Variants in PAXBP1 observed in about 807,000 individuals in gnomAD.
PAXBP1 encodes PAX3 and PAX7 binding protein 1, also known as PAX3- and PAX7-binding protein 1.
Under a neutral mutation model 119.9 loss-of-function variants are expected in PAXBP1, and 44 were observed. The ratio of observed to expected loss-of-function variants is 0.37; its 90% confidence interval spans 0.29 to 0.47. The LOEUF (loss-of-function observed/expected upper bound fraction) is 0.47. Ranked by LOEUF, PAXBP1 falls within the 20% of genes least tolerant of loss-of-function variation. The pLI is 0.99. For missense variants in PAXBP1, 898 were observed against 1,134.1 expected, an observed-to-expected ratio of 0.79 and a Z score of 2.99; for synonymous variants, 393 against 406.6, an observed-to-expected ratio of 0.97 and a Z score of 0.40.
chr21:32,741,523 C>T (rs1044159442), intron 15 of PAXBP1: 1 of 778,496 alleles, frequency 1.3e-6, no homozygotes. Context: ...GAGAAGACAA[C>T]ACAAGGCCTG....
At chr21:32,741,632 A>G (rs1165555157) in intron 15 of PAXBP1, 3 of 724,344 alleles carry the variant, frequency 4.1e-6, no homozygotes, top group Non-Finnish European at 7.5e-6. Context: ...CCTATAATCA[A>G]ACAAGGTAGG....
intron 1 of PAXBP1, among the ~76,000 whole-genome samples, chr21:32,771,034 GAA>G (rs1172614525): frequency 6.6e-6 from 1 of 152,244 alleles, no homozygotes; most frequent in Non-Finnish European, 1.5e-5. Context: ...ACGCCAGGCA[GAA>G]AAGAGGCAGG....
In PAXBP1 at chr21:32,759,904, T is replaced by C. The variant is rs2044109792; in HGVS notation, c.1066A>G (p.Ser356Gly). 3.7e-6 allele frequency: 6 copies of C among 1,613,746 alleles called. No homozygotes were observed. The South Asian group carries it at 5.5e-5, about 15-fold the overall frequency. The change falls in exon 6 of 18, where the codon AGT becomes GGT. Residue 356 changes from serine (S) to glycine (G), a missense_variant. Ser to Gly is a moderately conservative substitution (Grantham distance 56, BLOSUM62 0). Coordinates refer to ENST00000331923, the MANE Select transcript of PAXBP1 (RefSeq NM_016631.4). ...PYGSSYGIPY[S>G]YTAYGSSDAK... Reference sequence around the variant, plus strand: ...TCTGATGATCCATAGGCCGTATAACTATAAGGAATGCCATAGGATGAGCCG... The same window carrying C: ...TCTGATGATCCATAGGCCGTATAACCATAAGGAATGCCATAGGATGAGCCG...
At chr21:32,771,234 C>A in intron 1 of PAXBP1, 92 bp downstream of exon 1, 1 of 1,197,338 alleles carries the variant, frequency 8.4e-7, no homozygotes, top group Non-Finnish European at 1.1e-6. Context: ...TCCAGGGCTC[C>A]GGGGCTGGGC....
intron 14 of PAXBP1, 98 bp downstream of exon 14, chr21:32,743,580 G>T (rs190001827): frequency 2.2e-6 from 2 of 914,876 alleles, no homozygotes; most frequent in East Asian, 2.6e-5. Context: ...CACTACATGG[G>T]TGAAGTTTGT....
At position 32,771,292 on chromosome 21, in the gene PAXBP1, G is replaced by T. The variant is rs549788830; in HGVS notation, c.343+34C>A. 4.6e-6 allele frequency: 7 copies of T among 1,538,178 alleles called. No individual in the cohort carries two copies. The South Asian group carries it at 6.9e-5, about 15-fold the overall frequency. ...GGACGGGGGCCTGCGTCGGGGATGCGGCCGTCTAAGGGCGTCCGAAGCGCG... is the reference window on the plus strand; with the variant it reads ...GGACGGGGGCCTGCGTCGGGGATGCTGCCGTCTAAGGGCGTCCGAAGCGCG... On this transcript the variant is annotated intron_variant, in intron 1 of 17. Coordinates refer to ENST00000331923, the MANE Select transcript of PAXBP1 (RefSeq NM_016631.4).
At chr21:32,756,774 A>C (rs1027416539) in intron 7 of PAXBP1, 1 of 164,848 alleles carries the variant, frequency 6.1e-6, no homozygotes, top group Non-Finnish European at 1.3e-5. Flanking sequence ...TACCCACCTA[A>C]GCTGGCATCA....
chr21:32,741,453 C>A (rs1412063706), intron 15 of PAXBP1: 2 of 668,696 alleles, frequency 3.0e-6, no homozygotes, highest in South Asian at 1.8e-5. Flanking sequence ...TTAGGTTTAA[C>A]GAAATATGTA....
rs371278544 is a variant in PAXBP1, at chr21:32,771,686, C to T, written c.-18G>A. Reference sequence around the variant, plus strand: ...CGGAACATCCCCGCGGCCCGCACGGCGGTCGAATACTCGCTTCCACACCGC... The same window carrying T: ...CGGAACATCCCCGCGGCCCGCACGGTGGTCGAATACTCGCTTCCACACCGC... On this transcript the variant is annotated 5_prime_UTR_variant, in exon 1 of 18. Transcript: ENST00000331923. The T allele has an allele frequency of 2.2e-4, 310 of 1,384,372 alleles. No individual in the cohort carries two copies. Among genetic ancestry groups the T allele is most frequent in the Non-Finnish European group, 2.7e-4 (291 of 1,073,616 alleles). The allele number at this position is 1,384,372 out of a possible 1,614,324, so 85.8% of individuals were successfully genotyped here.
intron 13 of PAXBP1, among the ~76,000 whole-genome samples, chr21:32,744,240 A>G (rs1227835225): frequency 1.4e-5 from 2 of 147,400 alleles, no homozygotes; most frequent in Non-Finnish European, 3.0e-5. Flanking sequence ...ATACAATGAC[A>G]CTAATGACAG....
chr21:32,769,979 T>C (rs760992102), intron 1 of PAXBP1, 37 bp from the exon 2 acceptor site: 2 of 1,439,734 alleles, frequency 1.4e-6, no homozygotes, highest in Admixed American at 2.6e-5. Flanking sequence ...GTAGCAACTA[T>C]TTTCTGAAAA....
At chr21:32,739,233 G>C (rs149360245) in intron 15 of PAXBP1, among the ~76,000 whole-genome samples, 1 of 152,298 alleles carries the variant, frequency 6.6e-6, no homozygotes, top group East Asian at 1.9e-4. Context: ...AGACAATGGA[G>C]GCCTTAGGGC....
In PAXBP1 at chr21:32,766,643, T is replaced by C. The variant is rs552651627; in HGVS notation, c.473-2119A>G. Among the ~76,000 whole-genome samples the C allele has an allele frequency of 1.2e-4, 19 of 152,326 alleles. No homozygotes were observed. The East Asian group carries it at 1.9e-3, about 15-fold the overall frequency. On this transcript the variant is annotated intron_variant, in intron 2 of 17. Coordinates refer to ENST00000331923, the MANE Select transcript of PAXBP1 (RefSeq NM_016631.4). The stretch of plus-strand genomic sequence containing the variant: ...CTGCCCTCTACTTCCTCTCCAACTT[T>C]TGTGCCTTGACCCTACAAACAGCCT...
At chr21:32,767,513 C>T (rs113146992) in intron 2 of PAXBP1, among the ~76,000 whole-genome samples, 261 of 152,310 alleles carry the variant, frequency 1.7e-3, no homozygotes, top group Middle Eastern at 6.8e-3. Context: ...ATGTCTCCAT[C>T]CAAATGTCAA....
chr21:32,764,451 A>G lies in PAXBP1; in HGVS notation c.546T>C (p.His182=), dbSNP rs966699939. 3 of 1,613,626 alleles carry G rather than the reference A, an allele frequency of 1.9e-6. No individual in the cohort carries two copies. Among genetic ancestry groups the G allele is most frequent in the Admixed American group, 3.3e-5 (2 of 60,006 alleles). The change falls in exon 3 of 18, where the codon CAT becomes CAC. Residue 182 remains histidine, a synonymous_variant. Coordinates refer to ENST00000331923, the MANE Select transcript of PAXBP1 (RefSeq NM_016631.4). ...NQEDGVIISE[H]GEDEMDMESE... is the part of the protein sequence containing the mutation. ...TTTCCATATCCATTTCATCTTCACC[A>G]TGTTCACTGATGATAACTCCATCTT...
At chr21:32,749,126 T>C (rs1036501433) in intron 10 of PAXBP1, among the ~76,000 whole-genome samples, 1 of 152,178 alleles carries the variant, frequency 6.6e-6, no homozygotes. Context: ...GTGATTATAA[T>C]AACTGACATA....
intron 2 of PAXBP1, among the ~76,000 whole-genome samples, chr21:32,766,683 C>G (rs866155249): frequency 6.6e-6 from 1 of 152,196 alleles, no homozygotes; most frequent in Admixed American, 6.5e-5. Context: ...TTTCACCCAA[C>G]CTAACCCAAT....
At chr21:32,759,051 C>T in intron 7 of PAXBP1, 29 bp downstream of exon 7, 1 of 1,607,510 alleles carries the variant, frequency 6.2e-7, no homozygotes, top group South Asian at 1.1e-5. Context: ...TTGCCTTATT[C>T]AAAGAGATTA....
intron 12 of PAXBP1, 107 bp from the exon 13 acceptor site, chr21:32,745,020 C>A (rs2043852193): frequency 8.1e-7 from 1 of 1,233,104 alleles, no homozygotes; most frequent in Non-Finnish European, 1.1e-6. Context: ...TCCTCTTTTT[C>A]TACAATATAA....
Sources: gnomAD v4.1 joint callset for allele counts (sites outside exome capture counted in the v4.1 genomes callset) on GRCh38, gnomAD v4.1.1 for gene constraint, MANE v1.5 for transcripts, NCBI Gene and HGNC (gene_info 2026-07-23, HGNC 2026-07-21) for gene names.